The following AP3B1 variants were observed in gnomAD, a reference collection of about 807,000 sequenced individuals.
AP3B1 encodes the protein adaptor related protein complex 3 subunit beta 1, also known as AP-3 complex subunit beta-1.
AP3B1 carries 61 observed loss-of-function variants against 132.5 expected under a neutral mutation model. The observed-to-expected ratio is 0.46, with a 90% CI of 0.37 to 0.57. The LOEUF (loss-of-function observed/expected upper bound fraction) is 0.57. Ranked by LOEUF, AP3B1 falls within the 20% of genes least tolerant of loss-of-function variation. The pLI, the probability that AP3B1 is intolerant of heterozygous loss-of-function variation, is 0.00. For missense variants in AP3B1, 1,120 were observed against 1,289.4 expected, an observed-to-expected ratio of 0.87 and a Z score of 2.01; for synonymous variants, 388 against 438.3, an observed-to-expected ratio of 0.89 and a Z score of 1.43.
At chr5:78,094,155 G>A (rs921998161) in intron 21 of AP3B1, among the ~76,000 whole-genome samples, 3 of 152,108 alleles carry the variant, frequency 2.0e-5, no homozygotes, top group Non-Finnish European at 4.4e-5. Flanking sequence ...ATTTGTGATC[G>A]TCCTACTGAG....
intron 7 of AP3B1, among the ~76,000 whole-genome samples, chr5:78,199,346 A>G (rs1430099702): frequency 1.3e-5 from 2 of 152,330 alleles, no homozygotes; most frequent in African/African-American, 4.8e-5. Context: ...TGTTGAACTT[A>G]GGTCTAAGGG....
At chr5:78,195,287 C>T (rs1372499334) in intron 7 of AP3B1, among the ~76,000 whole-genome samples, 1 of 152,140 alleles carries the variant, frequency 6.6e-6, no homozygotes. Flanking sequence ...CATAGGGATT[C>T]GTTGAACTGT....
intron 19 of AP3B1, 111 bp from the exon 20 acceptor site, chr5:78,110,465 T>C (rs1751526549): frequency 1.3e-6 from 1 of 749,260 alleles, no homozygotes; most frequent in Admixed American, 2.8e-5. Flanking sequence ...ATAAAAAAGG[T>C]ATTACCCATA....
chr5:78,279,871 T>TATATATATATGACTTAA (rs1748969562), intron 1 of AP3B1, among the ~76,000 whole-genome samples: 2 of 145,586 alleles, frequency 1.4e-5, no homozygotes, highest in African/African-American at 2.5e-5. Context: ...GACTTAAATA[T>TATATATATATGACTTAA]ATATATATAT....
At chr5:78,282,848 CAAAAAAA>C (rs70997985) in intron 1 of AP3B1, among the ~76,000 whole-genome samples, 33,422 of 129,338 alleles carry the variant, frequency 0.26, 3,909 homozygotes, top group Admixed American at 0.32. Flanking sequence ...TTGTCTCTAC[CAAAAAAA>C]AAAAAAAAAA....
intron 11 of AP3B1, among the ~76,000 whole-genome samples, chr5:78,166,580 TA>T (rs1743639707): frequency 6.6e-6 from 1 of 152,008 alleles, no homozygotes; most frequent in Admixed American, 6.6e-5. Context: ...TTTTTACTAA[TA>T]AAAAATATTT....
chr5:78,076,376 G>A (rs74668449), intron 22 of AP3B1, among the ~76,000 whole-genome samples: 1,834 of 152,262 alleles, frequency 0.012, 44 homozygotes, highest in African/African-American at 0.041. Context: ...GTGTAGTAAG[G>A]AATTTGACCT....
At chr5:78,055,911 A>G (rs991836760) in intron 22 of AP3B1, among the ~76,000 whole-genome samples, 1 of 152,258 alleles carries the variant, frequency 6.6e-6, no homozygotes, top group African/African-American at 2.4e-5. Context: ...TTTCATAAGC[A>G]TACATCATAA....
chr5:78,164,798 G>A (rs537256297), intron 12 of AP3B1, among the ~76,000 whole-genome samples: 21 of 152,088 alleles, frequency 1.4e-4, no homozygotes, highest in East Asian at 9.7e-4. Flanking sequence ...AAAAGAAATC[G>A]TGTATACAGT....
chr5:78,164,895 G>A (rs1580430520), intron 12 of AP3B1, among the ~76,000 whole-genome samples: 1 of 152,056 alleles, frequency 6.6e-6, no homozygotes, highest in East Asian at 1.9e-4. Context: ...GCTGATAAAA[G>A]AAAAACTCTG....
intron 26 of AP3B1, among the ~76,000 whole-genome samples, chr5:78,013,941 A>T (rs1746736461): frequency 1.3e-5 from 2 of 152,290 alleles, no homozygotes; most frequent in Non-Finnish European, 2.9e-5. Context: ...AGACGGGTGG[A>T]TCATGAGGTC....
intron 15 of AP3B1, among the ~76,000 whole-genome samples, chr5:78,137,783 AT>A (rs1274662112): frequency 1.3e-5 from 2 of 152,210 alleles, no homozygotes; most frequent in Non-Finnish European, 2.9e-5. Flanking sequence ...TAGGTCAAAA[AT>A]AGTTTGAGGC....
At chr5:78,069,262 G>C (rs1319464347) in intron 22 of AP3B1, among the ~76,000 whole-genome samples, 2 of 152,010 alleles carry the variant, frequency 1.3e-5, no homozygotes, top group Non-Finnish European at 2.9e-5. Context: ...TGGTCAATCA[G>C]GCAAGAGAAA....
At chr5:78,262,239 A>C (rs142973377) in intron 2 of AP3B1, among the ~76,000 whole-genome samples, 3 of 152,304 alleles carry the variant, frequency 2.0e-5, no homozygotes, top group Non-Finnish European at 4.4e-5. Context: ...ATAAAATCCA[A>C]ATAATCTACT....
chr5:78,137,116 T>C (rs985374236), intron 15 of AP3B1, among the ~76,000 whole-genome samples: 7 of 152,198 alleles, frequency 4.6e-5, no homozygotes, highest in African/African-American at 1.4e-4. Flanking sequence ...TTGAGTAATT[T>C]TGGATATACA....
chr5:78,204,484 G>C (rs528012819), intron 7 of AP3B1, among the ~76,000 whole-genome samples: 1 of 152,094 alleles, frequency 6.6e-6, no homozygotes, highest in Non-Finnish European at 1.5e-5. Flanking sequence ...CTAACCCTAC[G>C]CATGAAATGG....
chr5:78,225,335 T>A (rs1326112157), intron 6 of AP3B1, among the ~76,000 whole-genome samples: 1 of 152,066 alleles, frequency 6.6e-6, no homozygotes. Context: ...CAGATTCTGA[T>A]GAAGAAACAC....
At chr5:78,185,276 A>G (rs1193922739) in intron 7 of AP3B1, among the ~76,000 whole-genome samples, 2 of 152,246 alleles carry the variant, frequency 1.3e-5, no homozygotes, top group Non-Finnish European at 2.9e-5. Flanking sequence ...TCTGGAAGGA[A>G]GAAAGAATAT....
At chr5:78,180,585 CA>C (rs748972423) in intron 8 of AP3B1, among the ~76,000 whole-genome samples, 28 of 150,958 alleles carry the variant, frequency 1.9e-4, no homozygotes, top group Non-Finnish European at 3.7e-4. Context: ...ATAAATCATC[CA>C]AAAAGAATAA....
Sources: gnomAD v4.1 joint callset for allele counts (sites outside exome capture counted in the v4.1 genomes callset) on GRCh38, gnomAD v4.1.1 for gene constraint, MANE v1.5 for transcripts, NCBI Gene and HGNC (gene_info 2026-07-23, HGNC 2026-07-21) for gene names.